Variants in PDE1C observed in about 807,000 individuals in gnomAD.
PDE1C encodes dual specificity calcium/calmodulin-dependent 3',5'-cyclic nucleotide phosphodiesterase 1C.
A neutral mutation model predicts 93.1 loss-of-function variants in PDE1C; 62 were observed. That is an observed-to-expected ratio of 0.67 (90% CI 0.54 to 0.82). The LOEUF (loss-of-function observed/expected upper bound fraction) is 0.82. Among genes scored for constraint, PDE1C ranks in the 40% least tolerant of loss-of-function variants. The pLI is 0.00. For missense variants in PDE1C, 742 were observed against 884.6 expected (o/e 0.84, Z 2.04); for synonymous variants, 325 against 310.1 (o/e 1.05, Z -0.50).
chr7:32,175,443 C>T (rs960514036), intron 2 of PDE1C, among the ~76,000 whole-genome samples: 7 of 152,194 alleles, frequency 4.6e-5, no homozygotes, highest in Non-Finnish European at 8.8e-5. Flanking sequence ...TAACAATCAT[C>T]TGAGCCTTCA....
At chr7:32,141,844 G>A (rs997073424) in intron 3 of PDE1C, among the ~76,000 whole-genome samples, 7 of 152,144 alleles carry the variant, frequency 4.6e-5, no homozygotes, top group African/African-American at 7.2e-5. Context: ...AGATGTTAAC[G>A]TTAGGAGAAA....
rs565160738 is a variant in PDE1C, at chr7:31,822,210, T to C, written c.1582+863A>G. Among the ~76,000 whole-genome samples the C allele has an allele frequency of 3.0e-3, 456 of 152,142 alleles. 2 individuals carry two copies. The highest frequency in any genetic ancestry group is 3.9e-3 in the Non-Finnish European group (268 of 67,980). The stretch of plus-strand genomic sequence containing the variant: ...CACACAGTAGGCATGCAATAGATGT[T>C]AGCAAAAACCGACTCTTGTTGAAGG... On this transcript the variant is annotated intron_variant, in intron 14 of 17. Coordinates refer to ENST00000396191, the MANE Select transcript of PDE1C (RefSeq NM_001191057.4).
chr7:32,379,460 T>G (rs905423811), intron 1 of PDE1C, among the ~76,000 whole-genome samples: 6 of 152,182 alleles, frequency 3.9e-5, no homozygotes, highest in Non-Finnish European at 2.9e-5. Context: ...AGTTGTCTGT[T>G]ATTTGAAGGG....
At chr7:32,267,228 C>G (rs1810643791) in intron 1 of PDE1C, among the ~76,000 whole-genome samples, 1 of 152,228 alleles carries the variant, frequency 6.6e-6, no homozygotes, top group Non-Finnish European at 1.5e-5. Flanking sequence ...GCAAAGGCCC[C>G]CTGGCAGGCT....
the PDE1C span, among the ~76,000 whole-genome samples, chr7:31,694,865 G>T: frequency 6.6e-6 from 1 of 152,160 alleles, no homozygotes; most frequent in Non-Finnish European, 1.5e-5. Flanking sequence ...ATTGAGAAAA[G>T]TAAATAAATG....
At chr7:31,830,848 G>A (rs1024340063) in intron 11 of PDE1C, among the ~76,000 whole-genome samples, 3 of 152,072 alleles carry the variant, frequency 2.0e-5, no homozygotes, top group Non-Finnish European at 2.9e-5. Flanking sequence ...GGCAGAATAC[G>A]GTCTAAAATC....
chr7:31,832,417 G>A (rs1415015805), intron 11 of PDE1C, among the ~76,000 whole-genome samples: 1 of 152,148 alleles, frequency 6.6e-6, no homozygotes, highest in African/African-American at 2.4e-5. Flanking sequence ...TTATAAAACT[G>A]AAGATGTAAC....
chr7:31,757,040 A>G (rs1794513094), intron 17 of PDE1C, among the ~76,000 whole-genome samples: 1 of 152,242 alleles, frequency 6.6e-6, no homozygotes, highest in Non-Finnish European at 1.5e-5. Context: ...CTTGTGACCA[A>G]ACAAAAGATG....
intron 2 of PDE1C, among the ~76,000 whole-genome samples, chr7:31,982,780 A>T (rs1812566168): frequency 6.6e-6 from 1 of 152,184 alleles, no homozygotes; most frequent in East Asian, 1.9e-4. Flanking sequence ...AAAAAATCAA[A>T]ATCAAAAGTT....
In PDE1C at chr7:32,237,753, T is replaced by TATAC. The variant is rs1312804907; in HGVS notation, c.86-28215_86-28214insGTAT. ...GCACTTGGCTCTGTGTATATATATATATATATATACTTTTTTTTTTTTTTT... is the reference window on the plus strand; with the variant it reads ...GCACTTGGCTCTGTGTATATATATATATACATATATATACTTTTTTTTTTTTTTT... On this transcript the variant is annotated intron_variant, in intron 1 of 18. Transcript: ENST00000396193. Among the ~76,000 whole-genome samples, 101 of 118,528 alleles carry TATAC rather than the reference T, an allele frequency of 8.5e-4. 1 individual carries two copies. The highest frequency in any genetic ancestry group is 3.2e-3 in the African/African-American group (96 of 30,304). 77.8% of individuals were successfully genotyped at this position (118,528 alleles called of 152,430 possible). A position where few individuals can be genotyped will look rare whatever the true frequency, so the allele number is the denominator to read the frequency against.
At chr7:32,235,881 C>G (rs1221365288) in intron 1 of PDE1C, among the ~76,000 whole-genome samples, 1 of 152,042 alleles carries the variant, frequency 6.6e-6, no homozygotes, top group African/African-American at 2.4e-5. Context: ...AGGGCTCATA[C>G]TACCTTATTT....
chr7:31,704,496 C>T, the PDE1C span, among the ~76,000 whole-genome samples: 2 of 152,218 alleles, frequency 1.3e-5, no homozygotes, highest in African/African-American at 4.8e-5. Context: ...AAGGAAATGA[C>T]ATTTGCTAAA....
chr7:32,065,029 A>G (rs1282898921), intron 1 of PDE1C, among the ~76,000 whole-genome samples: 1 of 111,030 alleles, frequency 9.0e-6, no homozygotes, highest in Non-Finnish European at 1.7e-5. Flanking sequence ...TCAGGGGCCA[A>G]CTACTTCTGA....
chr7:31,871,284 A>C (rs1364871889), intron 6 of PDE1C, among the ~76,000 whole-genome samples: 1 of 152,082 alleles, frequency 6.6e-6, no homozygotes, highest in African/African-American at 2.4e-5. Context: ...CAAGAGAATA[A>C]AACACTTCAG....
chr7:31,727,770 G>T, the PDE1C span, among the ~76,000 whole-genome samples: 3 of 152,142 alleles, frequency 2.0e-5, no homozygotes, highest in African/African-American at 7.2e-5. Context: ...AGCTGGGCAC[G>T]GTGGCTCATG....
At chr7:31,880,694 T>G (rs749428889) in intron 3 of PDE1C, 53 bp downstream of exon 3, 6 of 1,056,844 alleles carry the variant, frequency 5.7e-6, no homozygotes, top group Non-Finnish European at 8.6e-6. Flanking sequence ...AAAAGCCATT[T>G]AAGAGAAAAT....
At position 31,823,054 on chromosome 7, in the gene PDE1C, C is replaced by T; in HGVS notation, c.1582+19G>A. The T allele has an allele frequency of 1.3e-6, 2 of 1,589,414 alleles. No individual in the cohort carries two copies. The highest frequency in any genetic ancestry group is 1.3e-5 in the African/African-American group (1 of 74,118). The stretch of plus-strand genomic sequence containing the variant: ...TTGTTTTATGCTGAATTGGTTTGGA[C>T]AGGTCTGTGGCATGTTACCTTTGGG... On this transcript the variant is annotated intron_variant, in intron 14 of 17. Transcript: ENST00000396191.
chr7:32,144,230 A>G (rs1208288174), intron 3 of PDE1C, among the ~76,000 whole-genome samples: 2 of 152,162 alleles, frequency 1.3e-5, no homozygotes, highest in Non-Finnish European at 2.9e-5. Flanking sequence ...CAGGGGCTCA[A>G]ATGAAGCCAC....
At chr7:31,918,740 T>G (rs1802240744) in intron 2 of PDE1C, among the ~76,000 whole-genome samples, 1 of 152,256 alleles carries the variant, frequency 6.6e-6, no homozygotes, top group Non-Finnish European at 1.5e-5. Flanking sequence ...CCTTTTGTTC[T>G]TGTGCATTTA....
Sources: allele counts gnomAD v4.1 joint callset (sites outside exome capture counted in the v4.1 genomes callset), GRCh38; gene constraint gnomAD v4.1.1; transcripts MANE v1.5; gene names NCBI Gene and HGNC (gene_info 2026-07-23, HGNC 2026-07-21).